The following WWP2 variants were observed in gnomAD, a reference collection of about 807,000 sequenced individuals.
WWP2 encodes WW domain containing E3 ubiquitin protein ligase 2.
In WWP2, 57 loss-of-function variants were observed where a neutral mutation model predicts 121.0. The ratio of observed to expected loss-of-function variants is 0.47; its 90% CI spans 0.38 to 0.59. WWP2 has a LOEUF of 0.59. Among genes scored for constraint, WWP2 ranks in the 20% least tolerant of loss-of-function variants. WWP2 has a pLI of 0.00. For missense variants in WWP2, 962 were observed against 1,158.9 expected (o/e 0.83, Z 2.47); for synonymous variants, 449 against 441.3 (o/e 1.02, Z -0.22).
At chr16:69,770,949 A>C (rs1339038539) in intron 1 of WWP2, among the ~76,000 whole-genome samples, 1 of 151,378 alleles carries the variant, frequency 6.6e-6, no homozygotes, top group South Asian at 2.1e-4. Context: ...CCCGGGCAGC[A>C]TAGTGAAATC....
At chr16:69,852,740 A>G (rs933993887) in intron 6 of WWP2, among the ~76,000 whole-genome samples, 2 of 152,070 alleles carry the variant, frequency 1.3e-5, no homozygotes, top group Non-Finnish European at 2.9e-5. Flanking sequence ...TTTATCAGAT[A>G]TATGTTTTGC....
rs943006863 is a variant in WWP2, at chr16:69,820,821, C to CAT, written c.341-19301_341-19300dup. On this transcript the variant is annotated intron_variant, in intron 4 of 23. Transcript: ENST00000359154. ...TACAACACAAAACCATGAATACATG[C>CAT]ATATACACACACACACACACACACA... Among the ~76,000 whole-genome samples, 17 of 126,522 alleles carry CAT rather than the reference C, an allele frequency of 1.3e-4. 1 individual carries two copies. The South Asian group carries it at 1.9e-3, about 14-fold the overall frequency. 83.0% of individuals were successfully genotyped at this position (126,522 alleles called of 152,430 possible).
intron 9 of WWP2, among the ~76,000 whole-genome samples, chr16:69,913,903 T>C (rs904560748): frequency 1.3e-5 from 2 of 151,010 alleles, no homozygotes; most frequent in African/African-American, 4.9e-5. Context: ...AACCCCCGTC[T>C]CTACTAAAAA....
chr16:69,763,001 C>T (rs949827725), intron 1 of WWP2, among the ~76,000 whole-genome samples: 2 of 151,902 alleles, frequency 1.3e-5, no homozygotes, highest in East Asian at 3.9e-4. Context: ...GGAGCCTAGC[C>T]CTTCAGCTCA....
chr16:69,763,359 A>G (rs534084854), intron 1 of WWP2, among the ~76,000 whole-genome samples: 1 of 152,220 alleles, frequency 6.6e-6, no homozygotes, highest in South Asian at 2.1e-4. Context: ...TGATTTTGAG[A>G]TTGAATACTT....
At chr16:69,808,261 T>G (rs186806480) in intron 4 of WWP2, among the ~76,000 whole-genome samples, 37 of 152,198 alleles carry the variant, frequency 2.4e-4, no homozygotes, top group Admixed American at 7.9e-4. Context: ...TTTTTGCATG[T>G]GTCAATAGTC....
intron 19 of WWP2, chr16:69,936,717 A>G: frequency 1.9e-6 from 1 of 540,360 alleles, no homozygotes; most frequent in Non-Finnish European, 3.3e-6. Flanking sequence ...TTGAAGTGGC[A>G]TCAAGCTGAG....
intron 1 of WWP2, among the ~76,000 whole-genome samples, chr16:69,770,447 G>A (rs535018586): frequency 6.6e-6 from 1 of 152,148 alleles, no homozygotes; most frequent in Non-Finnish European, 1.5e-5. Flanking sequence ...TTGGAGGATG[G>A]CACCCTCAGA....
intron 1 of WWP2, among the ~76,000 whole-genome samples, chr16:69,773,239 C>G (rs1234947587): frequency 6.6e-6 from 1 of 150,610 alleles, no homozygotes; most frequent in South Asian, 2.1e-4. Context: ...AGTGCAATGG[C>G]ACAATCTTGG....
In WWP2 at chr16:69,937,641, TGGTTCTGGCAGGTG is replaced by T; in HGVS notation, c.2336_2343+6del. 1 of 1,613,114 alleles carries T rather than the reference TGGTTCTGGCAGGTG, an allele frequency of 6.2e-7. No individual in the cohort carries two copies. Among genetic ancestry groups the T allele is most frequent in the Non-Finnish European group, 8.5e-7 (1 of 1,179,734 alleles). ...CACCAAGAACAGCAAGCAGATCCAG[TGGTTCTGGCAGGTG>T]GGTCCCGGGCCCAGGCCTTGGCAGG... On this transcript the variant is annotated splice_donor_variant and splice_donor_region_variant and coding_sequence_variant and intron_variant, in exon 21 of 24. Coordinates refer to ENST00000359154, the MANE Select transcript of WWP2 (RefSeq NM_001270454.2). LOFTEE classifies it high-confidence loss of function. This position sits in a 1 kb window ranked among gnomAD's most constrained non-coding sequence, Gnocchi z 6.6.
chr16:69,856,126 TTTGG>T (rs2057307140), intron 6 of WWP2, among the ~76,000 whole-genome samples: 1 of 152,168 alleles, frequency 6.6e-6, no homozygotes, highest in South Asian at 2.1e-4. Context: ...TGTATATTTA[TTTGG>T]TCTGACAAAT....
intron 4 of WWP2, chr16:69,827,770 G>A: frequency 2.4e-6 from 1 of 410,174 alleles, no homozygotes; most frequent in South Asian, 1.8e-5. Context: ...GGGATTAATG[G>A]TGTGGCAGGG....
At chr16:69,826,284 T>G (rs1236281329) in intron 4 of WWP2, among the ~76,000 whole-genome samples, 13 of 107,602 alleles carry the variant, frequency 1.2e-4, no homozygotes, top group African/African-American at 1.1e-4. Flanking sequence ...AAAAAAAAAG[T>G]AGACCAGGCG....
At chr16:69,816,753 G>A (rs369075876) in intron 4 of WWP2, among the ~76,000 whole-genome samples, 8 of 151,482 alleles carry the variant, frequency 5.3e-5, no homozygotes, top group Non-Finnish European at 1.2e-4. Flanking sequence ...ATATACACAC[G>A]TATACATATA....
intron 8 of WWP2, among the ~76,000 whole-genome samples, chr16:69,891,040 C>G (rs1450266367): frequency 6.6e-6 from 1 of 152,132 alleles, no homozygotes; most frequent in Non-Finnish European, 1.5e-5. Context: ...GTGCTCTTCT[C>G]TAAGATGGCT....
In WWP2 at chr16:69,842,110, G is replaced by T; in HGVS notation, c.565G>T (p.Gly189Ter). 6.2e-7 allele frequency: 1 copy of T among 1,612,346 alleles called. No homozygotes were observed. ...GCCCCCCAGCACAAACTGCTTTGGT[G>T]GAAGATCCCGGTAAGACCCCCCTTG... ...HQPPSTNCFG[G>*]RSRTHRHSGA... Residue 189 changes from glycine to a stop codon, truncating the protein, a stop_gained, in exon 6 of 24, where the codon GGA (glycine) becomes TGA (stop). Transcript: ENST00000359154. LOFTEE classifies it high-confidence loss of function.
In WWP2 at chr16:69,810,201, T is replaced by G. The variant is rs563690168; in HGVS notation, c.340+10906T>G. Among the ~76,000 whole-genome samples, 5 of 152,324 alleles carry G rather than the reference T, an allele frequency of 3.3e-5. 1 individual carries two copies. Among genetic ancestry groups the G allele is most frequent in the African/African-American group, 1.2e-4 (5 of 41,590 alleles). On this transcript the variant is annotated intron_variant, in intron 4 of 23. Transcript: ENST00000359154. ...ACATTGGCTGGGAAACTCAGCTGGC[T>G]GTTTTCTGCCTGCCTTTGGCAGAGG...
intron 9 of WWP2, among the ~76,000 whole-genome samples, chr16:69,914,481 G>T (rs112423897): frequency 2.6e-5 from 4 of 152,076 alleles, no homozygotes; most frequent in African/African-American, 9.7e-5. Flanking sequence ...TTTCCTGCCG[G>T]GCACAGTGGC....
At chr16:69,913,171 C>T (rs2058426747) in intron 9 of WWP2, among the ~76,000 whole-genome samples, 1 of 144,472 alleles carries the variant, frequency 6.9e-6, no homozygotes, top group African/African-American at 2.6e-5. Context: ...GTTACAGGCA[C>T]ATGCCACCAC....
Sources: gnomAD v4.1 joint callset for allele counts (sites outside exome capture counted in the v4.1 genomes callset) on GRCh38, gnomAD v4.1.1 for gene constraint, Gnocchi (gnomAD v3.1) non-coding constraint, MANE v1.5 for transcripts, NCBI Gene and HGNC (gene_info 2026-07-23, HGNC 2026-07-21) for gene names.